The following DDC variants were observed in gnomAD, a reference collection of about 807,000 sequenced individuals.
DDC encodes aromatic-L-amino-acid decarboxylase.
A neutral mutation model predicts 60.0 loss-of-function variants in DDC; 43 were observed. The observed-to-expected ratio is 0.72, with a 90% confidence interval of 0.56 to 0.92. The LOEUF is 0.92. Ranked by LOEUF, DDC falls within the 40% of genes least tolerant of loss-of-function variation. DDC has a pLI of 0.00. For missense variants in DDC, 573 were observed against 620.2 expected (o/e 0.92, Z 0.81); for synonymous variants, 232 against 234.6 (o/e 0.99, Z 0.10).
intron 9 of DDC, among the ~76,000 whole-genome samples, chr7:50,480,216 T>C (rs2042736681): frequency 6.6e-6 from 1 of 152,104 alleles, no homozygotes; most frequent in Non-Finnish European, 1.5e-5. Flanking sequence ...TGGCCAGTGA[T>C]TTAAGCAATC....
intron 1 of DDC, among the ~76,000 whole-genome samples, chr7:50,562,892 G>A (rs2045371877): frequency 6.6e-6 from 1 of 152,124 alleles, no homozygotes; most frequent in African/African-American, 2.4e-5. Context: ...AGACTGCCGG[G>A]CCCAGTGGCT....
At chr7:50,550,928 A>G (rs1429217117) in intron 1 of DDC, among the ~76,000 whole-genome samples, 1 of 152,220 alleles carries the variant, frequency 6.6e-6, no homozygotes, top group Non-Finnish European at 1.5e-5. Flanking sequence ...AAATAAATAA[A>G]TGGTAACAAA....
intron 6 of DDC, among the ~76,000 whole-genome samples, chr7:50,504,808 G>A (rs1217333866): frequency 6.6e-6 from 1 of 152,152 alleles, no homozygotes; most frequent in Non-Finnish European, 1.5e-5. Flanking sequence ...GGCCCAGACT[G>A]CCCAAGGCAC....
At chr7:50,462,480 G>A (rs919784378) in intron 14 of DDC, among the ~76,000 whole-genome samples, 2 of 152,110 alleles carry the variant, frequency 1.3e-5, no homozygotes, top group Non-Finnish European at 2.9e-5. Context: ...CAAGAAGCCC[G>A]GTAGTCGAAA....
intron 11 of DDC, among the ~76,000 whole-genome samples, chr7:50,474,873 G>A (rs187182652): frequency 3.1e-4 from 47 of 152,152 alleles, no homozygotes; most frequent in African/African-American, 1.1e-3. Flanking sequence ...TGAAGTGTTC[G>A]TGCCTGTTAC....
chr7:50,508,239 C>T (rs939096234), intron 6 of DDC, among the ~76,000 whole-genome samples: 1 of 152,240 alleles, frequency 6.6e-6, no homozygotes, highest in African/African-American at 2.4e-5. Flanking sequence ...AAAGCCAGCA[C>T]CTGCTCCGCT....
In DDC at chr7:50,490,600, G is replaced by T. The variant is rs184307047; in HGVS notation, c.944+4750C>A. Among the ~76,000 whole-genome samples, 743 of 152,274 alleles carry T rather than the reference G, an allele frequency of 4.9e-3. 2 individuals are homozygous for T. Among genetic ancestry groups the T allele is most frequent in the Non-Finnish European group, 7.4e-3 (504 of 68,018 alleles). ...CAGGAGACTCGCTTGAACCTGGGAG[G>T]TGGAGGTTGCAGTGAGCTGAGATCA... On this transcript the variant is annotated intron_variant, in intron 9 of 14. Coordinates refer to ENST00000444124, the MANE Select transcript of DDC (RefSeq NM_001082971.2).
intron 13 of DDC, among the ~76,000 whole-genome samples, chr7:50,465,058 A>G (rs17634717): frequency 0.09 from 13,737 of 152,294 alleles, 917 homozygotes; most frequent in South Asian, 0.12. Flanking sequence ...GGCATGAGAG[A>G]AGAATGGACA....
At chr7:50,545,828 C>T (rs2044788354) in intron 1 of DDC, among the ~76,000 whole-genome samples, 1 of 152,158 alleles carries the variant, frequency 6.6e-6, no homozygotes. Context: ...GGACTCACAG[C>T]CAACAGCACT....
intron 9 of DDC, among the ~76,000 whole-genome samples, chr7:50,482,649 G>A (rs1192454405): frequency 6.6e-6 from 1 of 152,000 alleles, no homozygotes; most frequent in East Asian, 1.9e-4. Flanking sequence ...ATTGTGCTGA[G>A]GTCTAATATC....
chr7:50,506,787 A>G (rs1334016074), intron 6 of DDC, among the ~76,000 whole-genome samples: 1 of 152,252 alleles, frequency 6.6e-6, no homozygotes, highest in East Asian at 1.9e-4. Flanking sequence ...TGCCCGGTCT[A>G]TCAGGTGCCA....
At chr7:50,521,948 G>A (rs865979612) in intron 6 of DDC, among the ~76,000 whole-genome samples, 8 of 149,516 alleles carry the variant, frequency 5.4e-5, no homozygotes, top group African/African-American at 9.9e-5. Context: ...AAGACAAGAA[G>A]AGGAAATAAG....
intron 12 of DDC, 58 bp from the exon 13 acceptor site, chr7:50,467,373 C>T: frequency 7.0e-7 from 1 of 1,434,742 alleles, no homozygotes; most frequent in Non-Finnish European, 9.8e-7. Context: ...CAGAACTTAA[C>T]TACCTAGAAA....
chr7:50,492,840 G>C, intron 9 of DDC: 1 of 1,539,408 alleles, frequency 6.5e-7, no homozygotes, highest in Non-Finnish European at 8.7e-7. Flanking sequence ...AGAGATGAGC[G>C]CACAGCCGCC....
intron 3 of DDC, 98 bp from the exon 4 acceptor site, chr7:50,538,077 G>T: frequency 6.9e-7 from 1 of 1,439,332 alleles, no homozygotes. Flanking sequence ...CTAAAGCCCA[G>T]ATTAAAATCA....
chr7:50,503,459 A>C (rs2043306890), intron 7 of DDC, among the ~76,000 whole-genome samples: 1 of 152,230 alleles, frequency 6.6e-6, no homozygotes, highest in African/African-American at 2.4e-5. Flanking sequence ...GGAAGGGAGG[A>C]GGTGAGAGTG....
chr7:50,463,492 T>G, intron 13 of DDC, 61 bp from the exon 14 acceptor site: 1 of 1,444,358 alleles, frequency 6.9e-7, no homozygotes, highest in Non-Finnish European at 9.7e-7. Context: ...AATCAACTGG[T>G]CATGTAGGAA....
intron 9 of DDC, among the ~76,000 whole-genome samples, chr7:50,490,499 T>C (rs1046042603): frequency 2.0e-5 from 3 of 152,092 alleles, no homozygotes; most frequent in African/African-American, 7.2e-5. Context: ...TGAAACTCCA[T>C]CTCTACTAAA....
chr7:50,544,075 C>A lies in DDC; in HGVS notation c.11G>T (p.Ser4Ile), dbSNP rs769697130. ...CTCCTTCCCTCTCCTTCGGAATTCA[C>A]TTGCGTTCATGGTGTCTGGGCTCTG... Reference protein sequence around the residue: MNASEFRRRGKEMV... With the variant: MNAIEFRRRGKEMV... Residue 4 changes from serine to isoleucine, a missense_variant, in exon 2 of 15, where the codon AGT becomes ATT. Coordinates refer to ENST00000444124, the MANE Select transcript of DDC (RefSeq NM_001082971.2). 1.2e-6 allele frequency: 2 copies of A among 1,614,036 alleles called. No homozygotes were observed. Among genetic ancestry groups the A allele is most frequent in the Admixed American group, 3.3e-5 (2 of 60,000 alleles).
Sources: gnomAD v4.1 joint callset for allele counts (sites outside exome capture counted in the v4.1 genomes callset) on GRCh38, gnomAD v4.1.1 for gene constraint, MANE v1.5 for transcripts, NCBI Gene and HGNC (gene_info 2026-07-23, HGNC 2026-07-21) for gene names.